The following RBL1 variants were observed in gnomAD, a reference collection of about 807,000 sequenced individuals.
RBL1 encodes the protein retinoblastoma-like protein 1.
Under a neutral mutation model 123.0 loss-of-function variants are expected in RBL1, and 82 were observed. The ratio of observed to expected loss-of-function variants is 0.67; its 90% confidence interval spans 0.56 to 0.80. The LOEUF (loss-of-function observed/expected upper bound fraction) is 0.80. Ranked by LOEUF, RBL1 falls within the 30% of genes least tolerant of loss-of-function variation. The probability of loss-of-function intolerance (pLI) is 0.00; values close to 1 mark genes in which losing one functional copy is unlikely to be tolerated. For missense variants in RBL1, 1,171 were observed against 1,299.6 expected (o/e 0.90, Z 1.52); for synonymous variants, 405 against 441.3 (o/e 0.92, Z 1.03).
At chr20:37,052,773 G>A (rs2064939714) in intron 11 of RBL1, among the ~76,000 whole-genome samples, 1 of 152,186 alleles carries the variant, frequency 6.6e-6, no homozygotes, top group African/African-American at 2.4e-5. Flanking sequence ...GTCTCCTAAA[G>A]TGCTAGGATT....
intron 16 of RBL1, among the ~76,000 whole-genome samples, chr20:37,024,410 A>C (rs1326665358): frequency 6.6e-6 from 1 of 152,192 alleles, no homozygotes; most frequent in East Asian, 1.9e-4. Flanking sequence ...ATTAAAAATA[A>C]TATGTAGTTA....
At chr20:37,038,067 C>A (rs1227867946) in intron 14 of RBL1, among the ~76,000 whole-genome samples, 1 of 146,114 alleles carries the variant, frequency 6.8e-6, no homozygotes, top group East Asian at 2.0e-4. Context: ...TCTCCGCTCA[C>A]TGCAAACTCC....
intron 14 of RBL1, among the ~76,000 whole-genome samples, chr20:37,037,441 A>C (rs1207145494): frequency 6.6e-6 from 1 of 152,332 alleles, no homozygotes; most frequent in Admixed American, 6.5e-5. Flanking sequence ...GCACAGTTTA[A>C]ACTATTCTTG....
At chr20:37,018,828 G>GT in intron 18 of RBL1, among the ~76,000 whole-genome samples, 1 of 136,370 alleles carries the variant, frequency 7.3e-6, no homozygotes, top group South Asian at 2.3e-4. Context: ...GCGCACAGTT[G>GT]TAATTCCAGC....
intron 9 of RBL1, 141 bp downstream of exon 9, chr20:37,060,962 T>C: frequency 1.1e-6 from 1 of 942,442 alleles, no homozygotes; most frequent in Non-Finnish European, 1.5e-6. Context: ...TAGGTCAATA[T>C]ATTTTGTGAT....
intron 2 of RBL1, among the ~76,000 whole-genome samples, chr20:37,084,503 C>T (rs897456009): frequency 2.6e-5 from 4 of 152,010 alleles, no homozygotes; most frequent in African/African-American, 9.7e-5. Context: ...AGAAAAAACA[C>T]CAGCCTGGGC....
At chr20:37,070,608 G>A (rs1482895686) in intron 2 of RBL1, among the ~76,000 whole-genome samples, 1 of 152,076 alleles carries the variant, frequency 6.6e-6, no homozygotes, top group Non-Finnish European at 1.5e-5. Context: ...TACAGGTTAG[G>A]AGTAAAATTC....
At chr20:37,003,928 A>G in intron 20 of RBL1, 62 bp from the exon 21 acceptor site, 3 of 1,425,906 alleles carry the variant, frequency 2.1e-6, no homozygotes, top group Non-Finnish European at 2.8e-6. Flanking sequence ...TGAATCCCAT[A>G]TTTTTATTCT....
chr20:37,059,162 A>G (rs1166110891), intron 9 of RBL1, among the ~76,000 whole-genome samples: 2 of 152,212 alleles, frequency 1.3e-5, no homozygotes, highest in African/African-American at 4.8e-5. Flanking sequence ...AGTTCAATCC[A>G]GATCTATTTA....
At chr20:37,008,593 A>C (rs2064109618) in intron 19 of RBL1, among the ~76,000 whole-genome samples, 1 of 152,214 alleles carries the variant, frequency 6.6e-6, no homozygotes, top group Non-Finnish European at 1.5e-5. Context: ...TTACTTGTAT[A>C]CACAAGAACC....
intron 21 of RBL1, among the ~76,000 whole-genome samples, chr20:37,000,786 C>T (rs559983400): frequency 0.015 from 1,954 of 132,688 alleles, 8 homozygotes; most frequent in Non-Finnish European, 0.022. Context: ...GTCAGCCCCC[C>T]GCCCGGCCAG....
chr20:37,086,295 A>T (rs1025267252), intron 2 of RBL1, among the ~76,000 whole-genome samples: 2 of 151,870 alleles, frequency 1.3e-5, no homozygotes, highest in African/African-American at 4.8e-5. Context: ...GTTTAAAAAC[A>T]TTTTTTTTAG....
rs776230232 is a variant in RBL1, at chr20:37,032,645, A to C, written c.2382+20T>G. ...CCATTGATTAAACAAATTCTTCTAAAGTGCTATAAAAACACATACCTTTCT... is the reference window on the plus strand; with the variant it reads ...CCATTGATTAAACAAATTCTTCTAACGTGCTATAAAAACACATACCTTTCT... On this transcript the variant is annotated intron_variant, in intron 16 of 21. Coordinates refer to ENST00000373664, the MANE Select transcript of RBL1 (RefSeq NM_002895.5). The C allele has an allele frequency of 6.2e-7, 1 of 1,612,170 alleles. No individual in the cohort carries two copies. Among genetic ancestry groups the C allele is most frequent in the Admixed American group, 1.7e-5 (1 of 59,760 alleles).
At chr20:37,069,928 G>C (rs1388834537) in intron 2 of RBL1, among the ~76,000 whole-genome samples, 13 of 152,116 alleles carry the variant, frequency 8.5e-5, no homozygotes, top group Non-Finnish European at 1.9e-4. Flanking sequence ...ACTGGGAAGT[G>C]AGGAGCCCCT....
At chr20:37,069,970 G>A (rs189444923) in intron 2 of RBL1, among the ~76,000 whole-genome samples, 3 of 152,212 alleles carry the variant, frequency 2.0e-5, no homozygotes, top group African/African-American at 4.8e-5. Flanking sequence ...TGGGAGGTGT[G>A]CCCAACAGCT....
chr20:36,998,992 C>T, intron 21 of RBL1, 63 bp from the exon 22 acceptor site: 2 of 1,480,562 alleles, frequency 1.4e-6, no homozygotes, highest in Non-Finnish European at 1.9e-6. Flanking sequence ...AGCAAACAAC[C>T]AAGCTAATTG....
chr20:37,086,460 C>T (rs1447521516), intron 2 of RBL1, among the ~76,000 whole-genome samples: 4 of 151,910 alleles, frequency 2.6e-5, no homozygotes, highest in Admixed American at 2.6e-4. Flanking sequence ...TGGTGGCGGG[C>T]GCCTGTAATC....
chr20:37,065,435 A>G lies in RBL1; in HGVS notation c.885T>C (p.Phe295=). Residue 295 remains phenylalanine (F), a synonymous_variant, in exon 7 of 22, where the codon TTT becomes TTC. Transcript: ENST00000373664. The part of the protein sequence containing the change: ...KGECLLDLSS[F]TDNSKAVNKE... ...TACTAGATATTTACCTATTATCAGT[A>G]AAACTTGAAAGGTCCAGGAGGCATT... The G allele has an allele frequency of 6.3e-7, 1 of 1,590,984 alleles. No homozygotes were observed. Among genetic ancestry groups the G allele is most frequent in the Non-Finnish European group, 8.6e-7 (1 of 1,164,704 alleles).
intron 12 of RBL1, among the ~76,000 whole-genome samples, 169 bp from the exon 13 acceptor site, chr20:37,044,419 C>CA (rs2064784452): frequency 1.3e-5 from 2 of 152,090 alleles, no homozygotes; most frequent in Non-Finnish European, 2.9e-5. Flanking sequence ...CTCACTGCAA[C>CA]CTCTGCCTCC....
Sources: gnomAD v4.1 joint callset for allele counts (sites outside exome capture counted in the v4.1 genomes callset) on GRCh38, gnomAD v4.1.1 for gene constraint, MANE v1.5 for transcripts, NCBI Gene and HGNC (gene_info 2026-07-23, HGNC 2026-07-21) for gene names.